Variants in CDH5 observed in about 807,000 individuals in gnomAD.
CDH5 encodes the protein cadherin 5.
In CDH5, 28 loss-of-function variants were observed where a neutral mutation model predicts 62.0. That is an observed-to-expected ratio of 0.45 (90% CI 0.33 to 0.62). CDH5 has a LOEUF of 0.62. CDH5 is among the 20% of genes least tolerant of loss of function. The pLI, the probability that CDH5 is intolerant of heterozygous loss-of-function variation, is 0.02. For synonymous variants in CDH5, 464 were observed against 445.8 expected (o/e 1.04, Z -0.52); for missense variants, 940 against 1,065.1 (o/e 0.88, Z 1.63).
chr16:66,368,459 A>G (rs1178079202), intron 1 of CDH5, among the ~76,000 whole-genome samples: 1 of 152,200 alleles, frequency 6.6e-6, no homozygotes, highest in Non-Finnish European at 1.5e-5. Flanking sequence ...TTGCCAAACA[A>G]GGGCCGGACA....
At chr16:66,398,914 T>C (rs1961236165) in intron 10 of CDH5, among the ~76,000 whole-genome samples, 1 of 152,128 alleles carries the variant, frequency 6.6e-6, no homozygotes, top group Non-Finnish European at 1.5e-5. Flanking sequence ...GTCTATGCAA[T>C]GGTCAGAGAC....
intron 10 of CDH5, among the ~76,000 whole-genome samples, chr16:66,399,250 G>A (rs1248364213): frequency 1.3e-5 from 2 of 152,326 alleles, no homozygotes; most frequent in Non-Finnish European, 1.5e-5. Flanking sequence ...AGGAGTAGGT[G>A]CTGACTTAAG....
At chr16:66,384,078 C>CTTTTTTTTTTTTTTT (rs35435487) in intron 2 of CDH5, among the ~76,000 whole-genome samples, 1 of 71,356 alleles carries the variant, frequency 1.4e-5, no homozygotes, top group Non-Finnish European at 2.5e-5. Context: ...GGAGTCCAGC[C>CTTTTTTTTTTTTTTT]TTTTTTTTTT....
Position 66,392,427 on chromosome 16 carries a change from C to T in CDH5, c.1217+44C>T, listed in dbSNP as rs763253998. ...ATGAGAATGATAAGGACAATCCGGC[C>T]TGGATGTTCCTATGCCTGCTGGTCT... On this transcript the variant is annotated intron_variant, in intron 7 of 11. Transcript: ENST00000341529. 3.7e-5 allele frequency: 60 copies of T among 1,607,502 alleles called. No individual in the cohort carries two copies. In the South Asian group the frequency reaches 6.6e-4, roughly 18 times the overall value.
intron 4 of CDH5, 101 bp downstream of exon 4, chr16:66,388,541 G>A (rs1961026436): frequency 3.9e-6 from 3 of 769,692 alleles, no homozygotes; most frequent in Non-Finnish European, 6.9e-6. Flanking sequence ...TCTGACAGGT[G>A]TCACTAGCTA....
chr16:66,372,058 G>T (rs537999067), intron 1 of CDH5, among the ~76,000 whole-genome samples: 5 of 152,178 alleles, frequency 3.3e-5, no homozygotes, highest in Non-Finnish European at 7.3e-5. Flanking sequence ...AAAGGGAAAG[G>T]GACCAAAGGG....
intron 11 of CDH5, among the ~76,000 whole-genome samples, chr16:66,401,665 A>G (rs999370207): frequency 1.1e-4 from 17 of 152,308 alleles, no homozygotes; most frequent in Admixed American, 9.8e-4. Flanking sequence ...TGAAGCTGGG[A>G]AGGGAGGAGG....
chr16:66,370,315 A>T (rs549678665), intron 1 of CDH5, among the ~76,000 whole-genome samples: 1 of 151,996 alleles, frequency 6.6e-6, no homozygotes, highest in Non-Finnish European at 1.5e-5. Flanking sequence ...ACTCTTAAGA[A>T]GGATAATTTT....
At chr16:66,390,735 A>C (rs1449864196) in intron 6 of CDH5, 145 bp downstream of exon 6, 12 of 719,314 alleles carry the variant, frequency 1.7e-5, no homozygotes, top group Non-Finnish European at 2.7e-5. Flanking sequence ...GGAGACTGTG[A>C]TCCAGTGTCT....
intron 3 of CDH5, among the ~76,000 whole-genome samples, chr16:66,387,759 G>A (rs922874553): frequency 6.6e-6 from 1 of 152,234 alleles, no homozygotes. Flanking sequence ...TAGGGGCCAT[G>A]CAGGAGTGGT....
At chr16:66,387,523 A>G (rs1039021067) in intron 3 of CDH5, among the ~76,000 whole-genome samples, 1 of 152,176 alleles carries the variant, frequency 6.6e-6, no homozygotes, top group Non-Finnish European at 1.5e-5. Context: ...GCCCCTAGTC[A>G]TAGACTGAGC....
intron 1 of CDH5, among the ~76,000 whole-genome samples, chr16:66,376,157 A>G (rs944554679): frequency 2.0e-5 from 3 of 152,204 alleles, no homozygotes; most frequent in Admixed American, 1.3e-4. Context: ...TTACTTTTGC[A>G]CCAACCTAAT....
At chr16:66,400,140 G>T (rs577657053) in intron 10 of CDH5, among the ~76,000 whole-genome samples, 21 of 152,332 alleles carry the variant, frequency 1.4e-4, no homozygotes, top group African/African-American at 5.1e-4. Context: ...CTCCCTGGGG[G>T]ATTCTTGGGT....
chr16:66,389,640 C>T, intron 5 of CDH5, 118 bp downstream of exon 5: 1 of 873,322 alleles, frequency 1.1e-6, no homozygotes, highest in Non-Finnish European at 1.7e-6. Context: ...CCAGGGTAGG[C>T]CTGATGCCCA....
At chr16:66,393,951 C>A in intron 7 of CDH5, among the ~76,000 whole-genome samples, 1 of 152,068 alleles carries the variant, frequency 6.6e-6, no homozygotes, top group African/African-American at 2.4e-5. Context: ...TTCTAAATAG[C>A]CTGTAATTAT....
At chr16:66,401,675 GC>G (rs1279946126) in intron 11 of CDH5, among the ~76,000 whole-genome samples, 5 of 152,196 alleles carry the variant, frequency 3.3e-5, no homozygotes, top group Admixed American at 6.5e-5. Context: ...AAGGGAGGAG[GC>G]CAGCGAAGGT....
intron 9 of CDH5, 41 bp from the exon 10 acceptor site, chr16:66,398,415 C>A (rs2142341465): frequency 8.9e-7 from 1 of 1,124,592 alleles, no homozygotes; most frequent in Non-Finnish European, 1.3e-6. Flanking sequence ...CCCCACCACC[C>A]CACCACCATC....
chr16:66,390,528 C>A lies in CDH5; in HGVS notation c.907C>A (p.Gln303Lys). 1 of 1,614,120 alleles carries A rather than the reference C, an allele frequency of 6.2e-7. No individual in the cohort carries two copies. Among genetic ancestry groups the A allele is most frequent in the Non-Finnish European group, 8.5e-7 (1 of 1,180,018 alleles). The change falls in exon 6 of 12, where the codon CAG becomes AAG. Residue 303 changes from glutamine to lysine, a missense_variant. Coordinates refer to ENST00000341529, the MANE Select transcript of CDH5 (RefSeq NM_001795.5). ...GTACAGCATCTTGCGGGGCGACTAC[C>A]AGGACGCTTTCACCATTGAGACAAA... is the stretch of plus-strand genomic sequence containing the variant. ...TKYSILRGDY[Q>K]DAFTIETNPA...
intron 7 of CDH5, among the ~76,000 whole-genome samples, chr16:66,394,564 A>AT (rs10718129): frequency 2.4e-4 from 36 of 148,054 alleles, no homozygotes; most frequent in African/African-American, 6.7e-4. Flanking sequence ...ATGTTTCTTT[A>AT]TTTTTTTTTT....
Sources: gnomAD v4.1 joint callset for allele counts (sites outside exome capture counted in the v4.1 genomes callset) on GRCh38, gnomAD v4.1.1 for gene constraint, MANE v1.5 for transcripts, NCBI Gene and HGNC (gene_info 2026-07-23, HGNC 2026-07-21) for gene names.